The following TTR variants were observed in gnomAD, a reference collection of about 807,000 sequenced individuals.
TTR encodes epididymis luminal protein 111.
Under a neutral mutation model 13.7 loss-of-function variants are expected in TTR, and 8 were observed. The observed-to-expected ratio is 0.58, with a 90% confidence interval of 0.34 to 1.05. The LOEUF (loss-of-function observed/expected upper bound fraction) is 1.05. Among genes scored for constraint, TTR ranks in the 50% least tolerant of loss-of-function variants. The probability of loss-of-function intolerance (pLI) is 0.02; values close to 1 mark genes in which losing one functional copy is unlikely to be tolerated. For missense variants in TTR, 135 were observed against 185.5 expected, an observed-to-expected ratio of 0.73 and a Z score of 1.58; for synonymous variants, 75 against 71.7, an observed-to-expected ratio of 1.05 and a Z score of -0.23.
intron 2 of TTR, among the ~76,000 whole-genome samples, chr18:31,594,741 G>T (rs1355662159): frequency 6.6e-6 from 1 of 152,066 alleles, no homozygotes; most frequent in Non-Finnish European, 1.5e-5. Context: ...GCAGGCGCCT[G>T]TAATCCCAGC....
intron 3 of TTR, chr18:31,598,192 C>CCACTATT: frequency 2.9e-6 from 1 of 349,692 alleles, no homozygotes; most frequent in South Asian, 2.4e-5. Flanking sequence ...TGGTTGGCAG[C>CCACTATT]CACTATTGCA....
chr18:31,597,719 C>T (rs2073523878), intron 3 of TTR, among the ~76,000 whole-genome samples: 1 of 152,214 alleles, frequency 6.6e-6, no homozygotes, highest in Non-Finnish European at 1.5e-5. Flanking sequence ...TCTTTCCTGA[C>T]CTCAATATAT....
chr18:31,592,835 G>A, intron 1 of TTR, 61 bp from the exon 2 acceptor site: 1 of 1,606,434 alleles, frequency 6.2e-7, no homozygotes, highest in Non-Finnish European at 8.5e-7. Context: ...ATACCACAAA[G>A]AATAAATCCT....
At chr18:31,597,391 A>T (rs1420230647) in intron 3 of TTR, 1 of 152,184 alleles carries the variant, frequency 6.6e-6, no homozygotes, top group Non-Finnish European at 1.5e-5. Flanking sequence ...AATTTTTAAG[A>T]AGAATCAAGT....
At chr18:31,593,084 A>C in intron 2 of TTR, 58 bp downstream of exon 2, 1 of 1,608,846 alleles carries the variant, frequency 6.2e-7, no homozygotes, top group Non-Finnish European at 8.5e-7. Context: ...TTTGCCCCTC[A>C]CTTGGTAGAG....
chr18:31,592,866 T>A, intron 1 of TTR, 30 bp from the exon 2 acceptor site: 1 of 1,613,010 alleles, frequency 6.2e-7, no homozygotes, highest in East Asian at 2.2e-5. Context: ...TCAATTTTGT[T>A]AACTTCTCAC....
At position 31,592,905 on chromosome 18, in the gene TTR, G is replaced by A; in HGVS notation, c.79G>A (p.Glu27Lys). 1.2e-6 allele frequency: 2 copies of A among 1,614,008 alleles called. No homozygotes were observed. The highest frequency in any genetic ancestry group is 1.7e-6 in the Non-Finnish European group (2 of 1,179,930). The stretch of plus-strand genomic sequence containing the variant: ...TCTTCTCTACACCCAGGGCACCGGT[G>A]AATCCAAGTGTCCTCTGATGGTCAA... ...VSEAGPTGTG[E>K]SKCPLMVKVL... is the part of the protein sequence containing the mutation. Residue 27 changes from glutamate (E) to lysine (K), a missense_variant, in exon 2 of 4, where the codon GAA becomes AAA. Coordinates refer to ENST00000237014, the MANE Select transcript of TTR (RefSeq NM_000371.4).
At chr18:31,593,244 A>G in intron 2 of TTR, 1 of 546,304 alleles carries the variant, frequency 1.8e-6, no homozygotes, top group Non-Finnish European at 3.1e-6. Context: ...CAGACAGTAG[A>G]GAAAAGAAGG....
chr18:31,598,528 G>A (rs372252479), intron 3 of TTR, 40 bp from the exon 4 acceptor site: 15 of 1,607,488 alleles, frequency 9.3e-6, no homozygotes, highest in East Asian at 8.9e-5. Flanking sequence ...CACGTTTTTC[G>A]GGCTCTGGTG....
intron 3 of TTR, chr18:31,598,240 C>T (rs146935657): frequency 5.0e-6 from 2 of 403,236 alleles, no homozygotes; most frequent in Non-Finnish European, 4.7e-6. Flanking sequence ...TTGCATTCTC[C>T]CTACCTTTTT....
chr18:31,597,591 CG>C (rs1190571966), intron 3 of TTR, among the ~76,000 whole-genome samples: 10 of 152,046 alleles, frequency 6.6e-5, no homozygotes, highest in Non-Finnish European at 2.9e-5. Flanking sequence ...CTAAGTAATC[CG>C]GGTTTCTTTT....
chr18:31,597,743 A>T (rs529492491), intron 3 of TTR, among the ~76,000 whole-genome samples: 1 of 152,230 alleles, frequency 6.6e-6, no homozygotes, highest in East Asian at 1.9e-4. Flanking sequence ...AACTTGCCTC[A>T]CTCTGAGAAC....
At chr18:31,593,802 T>C (rs1189217792) in intron 2 of TTR, among the ~76,000 whole-genome samples, 1 of 152,096 alleles carries the variant, frequency 6.6e-6, no homozygotes, top group Non-Finnish European at 1.5e-5. Context: ...TCAAGGAAAA[T>C]ACATATTAAT....
intron 3 of TTR, chr18:31,598,071 A>G (rs988697314): frequency 4.3e-6 from 1 of 232,522 alleles, no homozygotes; most frequent in Non-Finnish European, 8.7e-6. Context: ...CCTTCCTACT[A>G]TGGTTCCATC....
chr18:31,596,159 T>A (rs1272567490), intron 3 of TTR: 1 of 154,504 alleles, frequency 6.5e-6, no homozygotes, highest in Non-Finnish European at 1.5e-5. Context: ...AACAGATGGC[T>A]GTCATGGAAA....
intron 3 of TTR, chr18:31,595,530 A>AT: frequency 7.3e-6 from 4 of 549,848 alleles, no homozygotes; most frequent in Non-Finnish European, 1.4e-5. Flanking sequence ...ATATTGATGT[A>AT]TCTGCTGTTG....
chr18:31,598,362 G>C (rs996174507), intron 3 of TTR: 13 of 688,744 alleles, frequency 1.9e-5, no homozygotes, highest in Middle Eastern at 2.4e-4. Flanking sequence ...ACCTGACTCT[G>C]TACTCCTGCT....
intron 2 of TTR, 125 bp downstream of exon 2, chr18:31,593,151 G>A: frequency 1.4e-6 from 2 of 1,420,434 alleles, no homozygotes; most frequent in Non-Finnish European, 2.0e-6. Context: ...CGTAGGCAGA[G>A]GTCAAGTATG....
chr18:31,596,799 C>T (rs150018701), intron 3 of TTR, among the ~76,000 whole-genome samples: 2 of 152,244 alleles, frequency 1.3e-5, no homozygotes, highest in East Asian at 1.9e-4. Flanking sequence ...TAAGCAGGAC[C>T]GTCAGCCCAG....
Sources: allele counts gnomAD v4.1 joint callset (sites outside exome capture counted in the v4.1 genomes callset), GRCh38; gene constraint gnomAD v4.1.1; transcripts MANE v1.5; gene names NCBI Gene and HGNC (gene_info 2026-07-23, HGNC 2026-07-21).